Variants in MEP1A observed in about 807,000 individuals in gnomAD.
MEP1A encodes the protein meprin A subunit alpha, also known as N-benzoyl-L-tyrosyl-P-amino-benzoic acid hydrolase subunit alpha.
In MEP1A, 68 loss-of-function variants were observed where a neutral mutation model predicts 84.5. The ratio of observed to expected loss-of-function variants is 0.80; its 90% CI spans 0.66 to 0.98. MEP1A has a LOEUF of 0.98. MEP1A is among the 50% of genes least tolerant of loss of function. The probability of loss-of-function intolerance (pLI) is 0.00; values close to 1 mark genes in which losing one functional copy is unlikely to be tolerated. For missense variants in MEP1A, 887 were observed against 919.9 expected, an observed-to-expected ratio of 0.96 and a Z score of 0.46; for synonymous variants, 337 against 336.8, an observed-to-expected ratio of 1.00 and a Z score of -0.01.
intron 10 of MEP1A, 79 bp from the exon 11 acceptor site, chr6:46,832,995 A>G (rs1299660688): frequency 7.8e-6 from 6 of 769,626 alleles, no homozygotes; most frequent in Admixed American, 4.9e-5. Context: ...TGGAAAGCAC[A>G]TGGCACTGTG....
chr6:46,834,481 A>C (rs1768164360), intron 11 of MEP1A, 97 bp from the exon 12 acceptor site: 6 of 266,236 alleles, frequency 2.3e-5, no homozygotes, highest in Admixed American at 1.0e-4. Flanking sequence ...TTATTTATTT[A>C]TTTCTGATTC....
At chr6:46,815,269 G>C (rs1244152238) in intron 6 of MEP1A, among the ~76,000 whole-genome samples, 1 of 152,158 alleles carries the variant, frequency 6.6e-6, no homozygotes, top group East Asian at 1.9e-4. Flanking sequence ...TGCTGTGGCT[G>C]TTGTGGGGAA....
intron 9 of MEP1A, among the ~76,000 whole-genome samples, chr6:46,828,630 T>C (rs559823996): frequency 6.6e-6 from 1 of 152,316 alleles, no homozygotes; most frequent in South Asian, 2.1e-4. Flanking sequence ...CTTTGACAAG[T>C]GTGTGGTTTA....
At chr6:46,804,766 T>G (rs1323644467) in intron 5 of MEP1A, among the ~76,000 whole-genome samples, 1 of 151,844 alleles carries the variant, frequency 6.6e-6, no homozygotes, top group Non-Finnish European at 1.5e-5. Context: ...CTCTGAAACC[T>G]AACTTCCTAT....
chr6:46,801,584 A>G (rs1767198340), intron 5 of MEP1A, among the ~76,000 whole-genome samples: 1 of 151,990 alleles, frequency 6.6e-6, no homozygotes. Flanking sequence ...TTTGTTTTTC[A>G]AGCAGTGAAT....
At chr6:46,807,811 GAAAGAAAGAAA>G (rs1767394405) in intron 5 of MEP1A, among the ~76,000 whole-genome samples, 3 of 149,000 alleles carry the variant, frequency 2.0e-5, no homozygotes, top group African/African-American at 7.3e-5. Flanking sequence ...AAGAAAGAAA[GAAAGAAAGAAA>G]GAAAGAAAGA....
At chr6:46,838,685 T>C (rs1465407696) in intron 13 of MEP1A, among the ~76,000 whole-genome samples, 3 of 152,192 alleles carry the variant, frequency 2.0e-5, no homozygotes, top group African/African-American at 7.2e-5. Context: ...GAGGCATACC[T>C]CTTGAGATTA....
At chr6:46,799,530 A>T (rs1427986644) in intron 5 of MEP1A, among the ~76,000 whole-genome samples, 1 of 152,232 alleles carries the variant, frequency 6.6e-6, no homozygotes, top group African/African-American at 2.4e-5. Flanking sequence ...GTGTGAGGAT[A>T]CTATTTTCAG....
chr6:46,832,148 C>A (rs531577159), intron 10 of MEP1A, among the ~76,000 whole-genome samples: 2 of 152,346 alleles, frequency 1.3e-5, no homozygotes, highest in Non-Finnish European at 2.9e-5. Flanking sequence ...AGACACTCAT[C>A]TGTAGGAACT....
At chr6:46,807,612 G>GGAAA (rs1562106801) in intron 5 of MEP1A, among the ~76,000 whole-genome samples, 30 of 72,986 alleles carry the variant, frequency 4.1e-4, no homozygotes, top group African/African-American at 1.9e-3. Context: ...AAGGAAGGAA[G>GGAAA]GAAGGAAGGA....
rs192860936 is a variant in MEP1A, at chr6:46,801,273, G to A, written c.262+2092G>A. Among the ~76,000 whole-genome samples the A allele has an allele frequency of 1.2e-3, 180 of 152,086 alleles. 2 individuals carry two copies. Among genetic ancestry groups the A allele is most frequent in the African/African-American group, 3.9e-3 (164 of 41,524 alleles). On this transcript the variant is annotated intron_variant, in intron 5 of 13. Transcript: ENST00000230588. ...AGTGTTTCATTTGCTCCACATCCTC[G>A]CTAATATTGATAGCATTAATCTTTG...
At chr6:46,796,059 C>T (rs1413385213) in intron 3 of MEP1A, among the ~76,000 whole-genome samples, 2 of 152,132 alleles carry the variant, frequency 1.3e-5, no homozygotes, top group Non-Finnish European at 2.9e-5. Flanking sequence ...TTCCAGCCAC[C>T]CTGACTGCAC....
Position 46,829,266 on chromosome 6 carries a change from G to T in MEP1A, c.929-90G>T, listed in dbSNP as rs945069421. 3.9e-6 allele frequency: 4 copies of T among 1,023,740 alleles called. No homozygotes were observed. In the Admixed American group the frequency reaches 7.2e-5, roughly 18 times the overall value. 63.4% of individuals were successfully genotyped at this position (1,023,740 alleles called of 1,614,324 possible). ...TCTAGTTTTTGTTGCCTGGACAATG[G>T]CTGTGGTTCACTATTTCACTTTGTT... On this transcript the variant is annotated intron_variant, in intron 9 of 13. Coordinates refer to ENST00000230588, the MANE Select transcript of MEP1A (RefSeq NM_005588.3).
chr6:46,810,221 T>C (rs1452380020), intron 6 of MEP1A, among the ~76,000 whole-genome samples: 15 of 152,164 alleles, frequency 9.9e-5, no homozygotes. Flanking sequence ...TAATTAGTAA[T>C]GTTGAACATG....
At chr6:46,805,878 C>T (rs1429986380) in intron 5 of MEP1A, among the ~76,000 whole-genome samples, 2 of 151,986 alleles carry the variant, frequency 1.3e-5, no homozygotes, top group Non-Finnish European at 2.9e-5. Flanking sequence ...TCCTGTCCAT[C>T]AGAGACTCTA....
intron 8 of MEP1A, 98 bp from the exon 9 acceptor site, chr6:46,826,256 G>C: frequency 3.6e-6 from 4 of 1,109,378 alleles, no homozygotes; most frequent in Admixed American, 2.5e-5. Flanking sequence ...TTGTGATCCT[G>C]TCATATCTGA....
chr6:46,838,829 G>C (rs1359083373), intron 13 of MEP1A, 151 bp from the exon 14 acceptor site: 8 of 529,356 alleles, frequency 1.5e-5, no homozygotes, highest in Non-Finnish European at 2.6e-5. Context: ...TAAATTAGTT[G>C]GTCCATATAC....
intron 9 of MEP1A, among the ~76,000 whole-genome samples, chr6:46,827,281 A>G (rs778837267): frequency 1.8e-4 from 28 of 152,204 alleles, no homozygotes; most frequent in Non-Finnish European, 3.1e-4. Context: ...AAGCCTCTGT[A>G]AACATCAAGA....
At chr6:46,840,198 A>G (rs1384875521), downstream of MEP1A, among the ~76,000 whole-genome samples, 2 of 152,190 alleles carry the variant, frequency 1.3e-5, no homozygotes, top group Non-Finnish European at 2.9e-5. Context: ...ATGCACTGGA[A>G]ACAAAATGAG....
Sources: allele counts gnomAD v4.1 joint callset (sites outside exome capture counted in the v4.1 genomes callset), GRCh38; gene constraint gnomAD v4.1.1; transcripts MANE v1.5; gene names NCBI Gene and HGNC (gene_info 2026-07-23, HGNC 2026-07-21).